Variants in BTBD9 observed in about 807,000 individuals in gnomAD.
The protein encoded by BTBD9 is BTB domain containing 9, also known as BTB/POZ domain-containing protein 9.
In BTBD9, 49 loss-of-function variants were observed where a neutral mutation model predicts 64.3. The ratio of observed to expected loss-of-function variants is 0.76; its 90% CI spans 0.61 to 0.97. The LOEUF (loss-of-function observed/expected upper bound fraction) is 0.97, where lower values mean the gene tolerates loss of function less well. BTBD9 is among the 50% of genes least tolerant of loss of function. The probability of loss-of-function intolerance (pLI) is 0.00; values close to 1 mark genes in which losing one functional copy is unlikely to be tolerated. For synonymous variants in BTBD9, 260 were observed against 274.7 expected (o/e 0.95, Z 0.53); for missense variants, 598 against 762.1 (o/e 0.78, Z 2.53).
At chr6:38,220,874 G>A (rs1763175970) in intron 9 of BTBD9, among the ~76,000 whole-genome samples, 1 of 152,190 alleles carries the variant, frequency 6.6e-6, no homozygotes, top group African/African-American at 2.4e-5. Flanking sequence ...CTCCACCCAT[G>A]CATGTGAGTC....
intron 8 of BTBD9, among the ~76,000 whole-genome samples, chr6:38,273,155 A>G (rs1308339450): frequency 6.6e-6 from 1 of 152,210 alleles, no homozygotes; most frequent in Non-Finnish European, 1.5e-5. Flanking sequence ...AAAGCAAGCC[A>G]GGAGGCCTTC....
intron 6 of BTBD9, among the ~76,000 whole-genome samples, chr6:38,530,187 T>C (rs60138764): frequency 0.19 from 28,225 of 152,044 alleles, 2,669 homozygotes; most frequent in East Asian, 0.27. Context: ...CTGGCAAATT[T>C]GTGGTCAGAC....
intron 8 of BTBD9, among the ~76,000 whole-genome samples, chr6:38,262,414 C>T (rs1764823717): frequency 6.6e-6 from 1 of 152,042 alleles, no homozygotes; most frequent in African/African-American, 2.4e-5. Context: ...ATGTTGTCTC[C>T]TCCATCTTCC....
At chr6:38,518,474 C>T (rs1582564119) in intron 6 of BTBD9, among the ~76,000 whole-genome samples, 1 of 152,168 alleles carries the variant, frequency 6.6e-6, no homozygotes, top group South Asian at 2.1e-4. Context: ...TTAGCTCTTT[C>T]GAGCAATAAA....
intron 9 of BTBD9, among the ~76,000 whole-genome samples, chr6:38,221,355 C>T (rs1763189089): frequency 6.6e-6 from 1 of 152,130 alleles, no homozygotes; most frequent in Admixed American, 6.6e-5. Flanking sequence ...AAATCAGCAC[C>T]TGCTTTCCTG....
chr6:38,251,304 G>A lies in BTBD9; in HGVS notation c.1562+5105C>T, dbSNP rs1450383837. On this transcript the variant is annotated intron_variant, in intron 9 of 10. Coordinates refer to ENST00000481247, the MANE Select transcript of BTBD9 (RefSeq NM_001099272.2). ...TTTAAAGATGGGCTTGCGCTCTGTC[G>A]CCCAGGATGGAGTGCAGTGGCACAA... 2.0e-5 allele frequency among the ~76,000 whole-genome samples: 3 copies of A among 147,714 alleles called. No individual in the cohort carries two copies. The East Asian group carries it at 6.1e-4, about 30-fold the overall frequency.
At chr6:38,399,780 T>G (rs1766843810) in intron 6 of BTBD9, among the ~76,000 whole-genome samples, 1 of 152,154 alleles carries the variant, frequency 6.6e-6, no homozygotes, top group South Asian at 2.1e-4. Flanking sequence ...AGACAGAATT[T>G]CACTCTTGTT....
intron 7 of BTBD9, among the ~76,000 whole-genome samples, chr6:38,298,247 T>C (rs564289842): frequency 9.1e-4 from 138 of 152,242 alleles, no homozygotes; most frequent in African/African-American, 3.2e-3. Flanking sequence ...ATACATTAAA[T>C]TTTTATCCTT....
At chr6:38,315,306 C>A (rs1031633110) in intron 7 of BTBD9, among the ~76,000 whole-genome samples, 1 of 152,170 alleles carries the variant, frequency 6.6e-6, no homozygotes, top group African/African-American at 2.4e-5. Context: ...TTTATTCTCT[C>A]TTTTCTTCTA....
At chr6:38,503,154 T>C (rs1772290244) in intron 6 of BTBD9, among the ~76,000 whole-genome samples, 1 of 152,138 alleles carries the variant, frequency 6.6e-6, no homozygotes, top group African/African-American at 2.4e-5. Flanking sequence ...TATTATTCCA[T>C]TCTCCACAGC....
intron 6 of BTBD9, among the ~76,000 whole-genome samples, chr6:38,539,039 C>T (rs1774150897): frequency 6.6e-6 from 1 of 152,100 alleles, no homozygotes; most frequent in Non-Finnish European, 1.5e-5. Flanking sequence ...CTACTGAGCT[C>T]AAGTGATTCA....
chr6:38,505,556 G>A (rs1391195554), intron 6 of BTBD9, among the ~76,000 whole-genome samples: 3 of 151,392 alleles, frequency 2.0e-5, no homozygotes, highest in South Asian at 2.1e-4. Flanking sequence ...CCTGGGAGGC[G>A]GAGGTTGCAG....
intron 2 of BTBD9, 23 bp downstream of exon 2, chr6:38,597,887 C>CA: frequency 6.2e-7 from 1 of 1,601,746 alleles, no homozygotes; most frequent in Non-Finnish European, 8.5e-7. Flanking sequence ...ACTAAATTTT[C>CA]AAAAAAAGTA....
chr6:38,374,283 G>GTGTATATA, intron 6 of BTBD9, among the ~76,000 whole-genome samples: 1 of 45,474 alleles, frequency 2.2e-5, no homozygotes, highest in Non-Finnish European at 3.4e-5. Flanking sequence ...AAAAAAAAAA[G>GTGTATATA]TATATATATA....
intron 6 of BTBD9, among the ~76,000 whole-genome samples, chr6:38,575,391 AG>A (rs1456757865): frequency 1.3e-5 from 2 of 152,222 alleles, no homozygotes; most frequent in African/African-American, 4.8e-5. Context: ...ATCAGAGGCA[AG>A]ATAAACACGC....
At chr6:38,384,797 T>G (rs1477450952) in intron 6 of BTBD9, among the ~76,000 whole-genome samples, 1 of 152,234 alleles carries the variant, frequency 6.6e-6, no homozygotes, top group African/African-American at 2.4e-5. Flanking sequence ...TCATCCTGTA[T>G]GTCATAAACT....
At chr6:38,622,146 C>A (rs990108162) in intron 1 of BTBD9, among the ~76,000 whole-genome samples, 1 of 152,206 alleles carries the variant, frequency 6.6e-6, no homozygotes, top group Non-Finnish European at 1.5e-5. Flanking sequence ...GACCATCTGA[C>A]AAGTAGTCAA....
intron 6 of BTBD9, among the ~76,000 whole-genome samples, chr6:38,492,420 G>C (rs1327758093): frequency 6.6e-6 from 1 of 152,148 alleles, no homozygotes; most frequent in Non-Finnish European, 1.5e-5. Flanking sequence ...TACTGCCTCA[G>C]TGTTTATAAA....
At chr6:38,228,351 C>CCAAAAAA (rs566108714) in intron 9 of BTBD9, among the ~76,000 whole-genome samples, 2 of 28,322 alleles carry the variant, frequency 7.1e-5, no homozygotes, top group Admixed American at 5.8e-4. Flanking sequence ...TCCCCCCCCC[C>CCAAAAAA]AAAAAAAAAA....
Sources: allele counts gnomAD v4.1 joint callset (sites outside exome capture counted in the v4.1 genomes callset), GRCh38; gene constraint gnomAD v4.1.1; transcripts MANE v1.5; gene names NCBI Gene and HGNC (gene_info 2026-07-23, HGNC 2026-07-21).